Variants in CADM1 observed in about 807,000 individuals in gnomAD.
The protein encoded by CADM1 is cell adhesion molecule 1.
In CADM1, 15 loss-of-function variants were observed where a neutral mutation model predicts 53.1. The observed-to-expected ratio is 0.28, with a 90% confidence interval of 0.19 to 0.44. CADM1 has a LOEUF of 0.44. Ranked by LOEUF, CADM1 falls within the 20% of genes least tolerant of loss-of-function variation. The pLI is 1.00. For synonymous variants in CADM1, 281 were observed against 243.0 expected (o/e 1.16, Z -1.45); for missense variants, 434 against 611.3 (o/e 0.71, Z 3.06).
chr11:115,258,123 C>T lies in CADM1; in HGVS notation c.125-17703G>A, dbSNP rs540048193. Among the ~76,000 whole-genome samples the T allele has an allele frequency of 3.3e-5, 5 of 152,318 alleles. No individual in the cohort carries two copies. In the East Asian group the frequency reaches 5.8e-4, roughly 18 times the overall value. On this transcript the variant is annotated intron_variant, in intron 1 of 11. Transcript: ENST00000331581. ...GGGAAGGTTACTTAACTTCTCAGGCCTCTGAGGGTGATCATTTCCATGAGG... is the reference window on the plus strand; with the variant it reads ...GGGAAGGTTACTTAACTTCTCAGGCTTCTGAGGGTGATCATTTCCATGAGG...
chr11:115,356,597 A>AT (rs931286593), intron 1 of CADM1, among the ~76,000 whole-genome samples: 15 of 152,108 alleles, frequency 9.9e-5, no homozygotes, highest in African/African-American at 3.1e-4. Context: ...CTTATAAGGG[A>AT]TTTTTTTTAA....
intron 1 of CADM1, among the ~76,000 whole-genome samples, chr11:115,457,725 C>T (rs923085529): frequency 6.6e-6 from 1 of 152,084 alleles, no homozygotes; most frequent in African/African-American, 2.4e-5. Flanking sequence ...AGAAAACCAG[C>T]CTAAGGAGTT....
chr11:115,414,578 A>T (rs1947544688), intron 1 of CADM1, among the ~76,000 whole-genome samples: 1 of 152,238 alleles, frequency 6.6e-6, no homozygotes, highest in Admixed American at 6.5e-5. Flanking sequence ...AATGAAAGTG[A>T]TGATAAGACA....
At chr11:115,332,487 T>A (rs1434686872) in intron 1 of CADM1, among the ~76,000 whole-genome samples, 3 of 152,180 alleles carry the variant, frequency 2.0e-5, no homozygotes, top group Admixed American at 1.3e-4. Context: ...TACTGAGGAT[T>A]CTGCATTGAA....
intron 1 of CADM1, among the ~76,000 whole-genome samples, chr11:115,327,726 A>G (rs148599152): frequency 3.3e-5 from 5 of 152,268 alleles, no homozygotes; most frequent in Non-Finnish European, 7.4e-5. Context: ...GCCTCATGTG[A>G]CCAAGCCTCA....
intron 1 of CADM1, among the ~76,000 whole-genome samples, chr11:115,260,646 AGT>A: frequency 6.6e-6 from 1 of 152,134 alleles, no homozygotes; most frequent in African/African-American, 2.4e-5. Flanking sequence ...AAGATTCCTA[AGT>A]GCTTTTTTTA....
intron 1 of CADM1, among the ~76,000 whole-genome samples, chr11:115,461,228 G>T (rs1323934157): frequency 6.6e-6 from 1 of 152,036 alleles, no homozygotes; most frequent in African/African-American, 2.4e-5. Flanking sequence ...AAACATAATT[G>T]GATAGTATAC....
At chr11:115,383,894 G>T (rs1221745780) in intron 1 of CADM1, among the ~76,000 whole-genome samples, 1 of 151,864 alleles carries the variant, frequency 6.6e-6, no homozygotes, top group African/African-American at 2.4e-5. Context: ...CAATAGCAAA[G>T]GACTGAAAGA....
chr11:115,484,407 T>C (rs1315527971), intron 1 of CADM1, among the ~76,000 whole-genome samples: 3 of 152,216 alleles, frequency 2.0e-5, no homozygotes, highest in Non-Finnish European at 4.4e-5. Flanking sequence ...AAGCTGCACA[T>C]GTCCAGAAAA....
intron 1 of CADM1, among the ~76,000 whole-genome samples, chr11:115,388,570 G>GACATCGGGTATT (rs1555077438): frequency 6.6e-6 from 1 of 151,682 alleles, no homozygotes; most frequent in Non-Finnish European, 1.5e-5. Context: ...AGGGTAGAAG[G>GACATCGGGTATT]ACATTGGGTA....
At chr11:115,294,048 A>G (rs192413795) in intron 1 of CADM1, among the ~76,000 whole-genome samples, 1 of 152,252 alleles carries the variant, frequency 6.6e-6, no homozygotes, top group East Asian at 1.9e-4. Context: ...GATACCCACC[A>G]CTGTTCAGTT....
rs1316500497 is a variant in CADM1 at position 115,201,287 on chromosome 11, T to C, written c.1079-2849A>G. ...GTGTCTGGGGAGTCACTGACTCCAT[T>C]TCTCTAAGAGCATCTGGTATGCTAC... On this transcript the variant is annotated intron_variant, in intron 8 of 11. Transcript: ENST00000331581. 3.3e-5 allele frequency among the ~76,000 whole-genome samples: 5 copies of C among 152,266 alleles called. No homozygotes were observed. The East Asian group carries it at 9.7e-4, about 29-fold the overall frequency.
At position 115,443,967 on chromosome 11, in the gene CADM1, T is replaced by C. The variant is rs12274122; in HGVS notation, c.124+60304A>G. 5.1e-3 allele frequency among the ~76,000 whole-genome samples: 778 copies of C among 152,322 alleles called. 6 individuals carry two copies. The highest frequency in any genetic ancestry group is 0.018 in the African/African-American group (747 of 41,572). On this transcript the variant is annotated intron_variant, in intron 1 of 11. Transcript: ENST00000331581. ...AAAGGTGGTTGGTCGGGTCTTTTTG[T>C]GTGTCCTATATTTCTAATAAATCAC...
At chr11:115,296,907 A>C (rs1242031061) in intron 1 of CADM1, among the ~76,000 whole-genome samples, 1 of 152,212 alleles carries the variant, frequency 6.6e-6, no homozygotes, top group Non-Finnish European at 1.5e-5. Context: ...GGTTTGTCTT[A>C]ATAAGTATTT....
At chr11:115,244,599 G>A (rs767711889) in intron 1 of CADM1, among the ~76,000 whole-genome samples, 6 of 152,126 alleles carry the variant, frequency 3.9e-5, no homozygotes, top group African/African-American at 7.2e-5. Context: ...ACTGCCTGAT[G>A]TCATTCAGCT....
At chr11:115,326,453 CTTG>C (rs1390788164) in intron 1 of CADM1, among the ~76,000 whole-genome samples, 1 of 152,134 alleles carries the variant, frequency 6.6e-6, no homozygotes. Flanking sequence ...CAATGTCCTT[CTTG>C]TTATGGTTTA....
chr11:115,411,171 T>C (rs1360066972), intron 1 of CADM1, among the ~76,000 whole-genome samples: 1 of 152,214 alleles, frequency 6.6e-6, no homozygotes, highest in African/African-American at 2.4e-5. Context: ...CATGTAAACC[T>C]AATCAAGGAA....
chr11:115,278,698 G>A (rs1943509813), intron 1 of CADM1, among the ~76,000 whole-genome samples: 1 of 152,162 alleles, frequency 6.6e-6, no homozygotes, highest in Non-Finnish European at 1.5e-5. Context: ...TGATAAGGGT[G>A]GGAAATGCGG....
At chr11:115,437,711 A>G (rs1439891979) in intron 1 of CADM1, among the ~76,000 whole-genome samples, 4 of 152,230 alleles carry the variant, frequency 2.6e-5, no homozygotes, top group Non-Finnish European at 4.4e-5. Context: ...AACTAAAAAA[A>G]TAACATGCTT....
Sources: allele counts gnomAD v4.1 joint callset (sites outside exome capture counted in the v4.1 genomes callset), GRCh38; gene constraint gnomAD v4.1.1; transcripts MANE v1.5; gene names NCBI Gene and HGNC (gene_info 2026-07-23, HGNC 2026-07-21).